Variants in IGSF10 observed in about 807,000 individuals in gnomAD.
IGSF10 encodes calvaria mechanical force protein 608.
IGSF10 carries 126 observed loss-of-function variants against 128.2 expected under a neutral mutation model. That is an observed-to-expected ratio of 0.98 (90% CI 0.85 to 1.14). The LOEUF is 1.14. Ranked by LOEUF, IGSF10 falls within the 50% of genes most tolerant of loss-of-function variation. The pLI is 0.00. For missense variants in IGSF10, 3,295 were observed against 3,149.8 expected (o/e 1.05, Z -1.10); for synonymous variants, 1,185 against 1,146.2 (o/e 1.03, Z -0.68).
Position 151,437,566 on chromosome 3 carries a change from T to A in IGSF10, c.6995A>T (p.Glu2332Val). Reference protein sequence around the residue: ...SVLVVQLEVLEMLRRPTFRNP... With the variant: ...SVLVVQLEVLVMLRRPTFRNP... ...TCTAAATGTCGGTCTTCTCAGCATT[T>A]CCAGTACTTCTAACTGTACTACCAA... The change falls in exon 8 of 8, where the codon GAA becomes GTA. Residue 2332 changes from glutamate to valine, a missense_variant. Transcript: ENST00000282466. 1 of 1,614,222 alleles carries A rather than the reference T, an allele frequency of 6.2e-7. No homozygotes were observed. The highest frequency in any genetic ancestry group is 2.2e-5 in the East Asian group (1 of 44,886).
At chr3:151,475,313 A>G in the IGSF10 span, among the ~76,000 whole-genome samples, 1 of 152,182 alleles carries the variant, frequency 6.6e-6, no homozygotes, top group African/African-American at 2.4e-5. Context: ...TGTGAGAGAG[A>G]CTGGTGTCAA....
the IGSF10 span, among the ~76,000 whole-genome samples, chr3:151,528,128 C>T: frequency 6.6e-6 from 1 of 152,070 alleles, no homozygotes; most frequent in Non-Finnish European, 1.5e-5. Flanking sequence ...GTAGGTTAAG[C>T]TCTTTAGATA....
the IGSF10 span, among the ~76,000 whole-genome samples, chr3:151,536,997 CA>C: frequency 6.6e-6 from 1 of 152,174 alleles, no homozygotes. Context: ...GTGAGATCCC[CA>C]AACTACAGAA....
the IGSF10 span, among the ~76,000 whole-genome samples, chr3:151,611,590 T>C: frequency 2.0e-4 from 30 of 152,194 alleles, no homozygotes; most frequent in Admixed American, 2.6e-4. Context: ...TTCTCTGAAA[T>C]GGATATCTTC....
the IGSF10 span, among the ~76,000 whole-genome samples, chr3:151,589,702 A>G: frequency 6.6e-6 from 1 of 152,144 alleles, no homozygotes; most frequent in Non-Finnish European, 1.5e-5. Context: ...AGGGTTTTTG[A>G]TGGGAAAACC....
the IGSF10 span, among the ~76,000 whole-genome samples, chr3:151,498,537 A>G: frequency 6.6e-6 from 1 of 152,186 alleles, no homozygotes; most frequent in African/African-American, 2.4e-5. Context: ...AATCCAGCAT[A>G]TAAACAGAAC....
At chr3:151,503,502 A>AT in the IGSF10 span, among the ~76,000 whole-genome samples, 1 of 152,316 alleles carries the variant, frequency 6.6e-6, no homozygotes, top group South Asian at 2.1e-4. Flanking sequence ...GATAGCCTTA[A>AT]CAGATTAGAG....
chr3:151,614,073 CTCA>C, the IGSF10 span, among the ~76,000 whole-genome samples: 1 of 152,172 alleles, frequency 6.6e-6, no homozygotes, highest in Non-Finnish European at 1.5e-5. Context: ...TGAAAAAATG[CTCA>C]TCATCACTGG....
chr3:151,449,231 A>G lies in IGSF10; in HGVS notation c.750T>C (p.Ser250=). ...VIKCKKDRSP[S]SAQQCPLCMN... is the part of the protein sequence containing the mutation. ...TGCAAAGTGGACACTGCTGAGCACT[A>G]GAGGGACTTCTATCTTTTTTGCATT... Residue 250 remains serine, a synonymous_variant, in exon 6 of 8, where the codon TCT becomes TCC. Coordinates refer to ENST00000282466, the MANE Select transcript of IGSF10 (RefSeq NM_178822.5). 1 of 1,591,918 alleles carries G rather than the reference A, an allele frequency of 6.3e-7. No homozygotes were observed. The highest frequency in any genetic ancestry group is 8.5e-7 in the Non-Finnish European group (1 of 1,170,514).
the IGSF10 span, among the ~76,000 whole-genome samples, chr3:151,515,060 A>G: frequency 6.6e-6 from 1 of 152,084 alleles, no homozygotes; most frequent in South Asian, 2.1e-4. Context: ...GTCAGTGTGG[A>G]AATTCCTCAA....
chr3:151,492,522 G>C, the IGSF10 span, among the ~76,000 whole-genome samples: 2 of 152,080 alleles, frequency 1.3e-5, no homozygotes, highest in Admixed American at 1.3e-4. Flanking sequence ...ATCACTTGAG[G>C]TCAGGAGTTT....
the IGSF10 span, among the ~76,000 whole-genome samples, chr3:151,551,759 A>G: frequency 3.3e-5 from 5 of 151,978 alleles, no homozygotes; most frequent in East Asian, 9.6e-4. Context: ...AATTAATTTA[A>G]GGCATTCTAT....
chr3:151,436,966 T>G lies in IGSF10; in HGVS notation c.7595A>C (p.Asn2532Thr). 6.2e-7 allele frequency: 1 copy of G among 1,614,192 alleles called. No homozygotes were observed. The highest frequency in any genetic ancestry group is 1.3e-5 in the African/African-American group (1 of 75,048). Residue 2532 changes from asparagine (N) to threonine (T), a missense_variant, in exon 8 of 8, where the codon AAT becomes ACT. Coordinates refer to ENST00000282466, the MANE Select transcript of IGSF10 (RefSeq NM_178822.5). ...MIVAYPPRIT[N>T]RPPRSIVTRT... is the part of the protein sequence containing the mutation. ...GGTGACAATACTCCTGGGTGGACGA[T>G]TTGTAATTCGGGGAGGGTAGGCTAC... is the stretch of plus-strand genomic sequence containing the variant.
the IGSF10 span, among the ~76,000 whole-genome samples, chr3:151,494,253 G>A: frequency 6.6e-6 from 1 of 150,974 alleles, no homozygotes; most frequent in Non-Finnish European, 1.5e-5. Context: ...CTAAAATGTT[G>A]TATTCTGTGA....
Position 151,448,482 on chromosome 3 carries a change from T to C in IGSF10, c.1499A>G (p.Gln500Arg). 7 of 1,614,220 alleles carry C rather than the reference T, an allele frequency of 4.3e-6. No individual in the cohort carries two copies. The highest frequency in any genetic ancestry group is 1.1e-5 in the South Asian group (1 of 91,084). The change falls in exon 6 of 8, where the codon CAA (glutamine) becomes CGA (arginine). Residue 500 changes from glutamine (Q) to arginine (R), a missense_variant. Physicochemically the swap from Gln to Arg is conservative, Grantham distance 43. Transcript: ENST00000282466. ...GGTVGLNCPG[Q>R]GDPTPHVDWL... ...ATCCACGTGTGGGGTGGGGTCTCCT[T>C]GGCCTGGGCAGTTCAGGCCAACGGT... is the stretch of plus-strand genomic sequence containing the variant.
At chr3:151,510,116 T>TA in the IGSF10 span, among the ~76,000 whole-genome samples, 315 of 152,304 alleles carry the variant, frequency 2.1e-3, no homozygotes, top group Non-Finnish European at 3.8e-3. Context: ...CTGACAGCTT[T>TA]GAAGAGAGTA....
the IGSF10 span, among the ~76,000 whole-genome samples, chr3:151,565,514 C>T: frequency 6.6e-6 from 1 of 152,190 alleles, no homozygotes; most frequent in South Asian, 2.1e-4. Flanking sequence ...TCAAGAAAGC[C>T]AGGCCTGCCT....
intron 2 of IGSF10, 57 bp downstream of exon 2, chr3:151,460,204 G>T (rs1439640172): frequency 2.4e-6 from 1 of 410,720 alleles, no homozygotes; most frequent in East Asian, 1.6e-4. Context: ...CATGAATAAG[G>T]GATTCTCACA....
chr3:151,440,126 G>A (rs573953381), intron 7 of IGSF10, among the ~76,000 whole-genome samples: 1 of 152,200 alleles, frequency 6.6e-6, no homozygotes, highest in African/African-American at 2.4e-5. Flanking sequence ...AACCTCCCAG[G>A]TTCAAGCAAT....
Sources: allele counts gnomAD v4.1 joint callset (sites outside exome capture counted in the v4.1 genomes callset), GRCh38; gene constraint gnomAD v4.1.1; transcripts MANE v1.5; gene names NCBI Gene and HGNC (gene_info 2026-07-23, HGNC 2026-07-21).